PTGER3: variants seen among roughly 807,000 people sequenced by gnomAD.
The protein encoded by PTGER3 is prostaglandin E2 receptor EP3 subtype.
A neutral mutation model predicts 34.7 loss-of-function variants in PTGER3; 22 were observed. The ratio of observed to expected loss-of-function variants is 0.63; its 90% CI spans 0.45 to 0.91. PTGER3 has a LOEUF of 0.91. Among genes scored for constraint, PTGER3 ranks in the 40% least tolerant of loss-of-function variants. The pLI is 0.00. For synonymous variants in PTGER3, 241 were observed against 230.1 expected, an observed-to-expected ratio of 1.05 and a Z score of -0.43; for missense variants, 468 against 519.4, an observed-to-expected ratio of 0.90 and a Z score of 0.96.
downstream of PTGER3, chr1:70,951,297 T>C (rs1290637805): frequency 2.0e-5 from 3 of 152,198 alleles, no homozygotes; most frequent in African/African-American, 7.2e-5. Context: ...AGAGATACTG[T>C]ATAACCTATA....
At chr1:71,041,457 A>T (rs751216191) in intron 1 of PTGER3, among the ~76,000 whole-genome samples, 9 of 152,204 alleles carry the variant, frequency 5.9e-5, no homozygotes, top group Non-Finnish European at 1.2e-4. Context: ...CTTTCACACC[A>T]TCATGAAGTT....
intron 3 of PTGER3, among the ~76,000 whole-genome samples, chr1:70,972,534 A>G (rs1653198403): frequency 6.6e-6 from 1 of 151,976 alleles, no homozygotes; most frequent in South Asian, 2.1e-4. Flanking sequence ...GGTAAAATAT[A>G]TATATATATA....
chr1:70,879,828 G>A (rs1301365119), intron 4 of PTGER3, among the ~76,000 whole-genome samples: 2 of 152,096 alleles, frequency 1.3e-5, no homozygotes, highest in Non-Finnish European at 2.9e-5. Flanking sequence ...AGGTGCAGTA[G>A]CTCACACTTG....
At chr1:70,860,581 T>C (rs1473896304) in intron 4 of PTGER3, among the ~76,000 whole-genome samples, 1 of 152,200 alleles carries the variant, frequency 6.6e-6, no homozygotes, top group Non-Finnish European at 1.5e-5. Context: ...AGAAGTTTGG[T>C]GACATTTTTG....
intron 4 of PTGER3, among the ~76,000 whole-genome samples, chr1:70,933,173 T>C (rs916220082): frequency 6.6e-6 from 1 of 152,170 alleles, no homozygotes; most frequent in African/African-American, 2.4e-5. Flanking sequence ...GCTTAATAAT[T>C]GCTTGATTGA....
intron 2 of PTGER3, chr1:71,010,045 A>T: frequency 1.0e-6 from 1 of 985,202 alleles, no homozygotes; most frequent in Non-Finnish European, 1.2e-6. Flanking sequence ...AGCTTGTTAA[A>T]AAAAACACAA....
chr1:71,000,569 G>A (rs1437781238), intron 2 of PTGER3, among the ~76,000 whole-genome samples: 1 of 152,110 alleles, frequency 6.6e-6, no homozygotes, highest in Non-Finnish European at 1.5e-5. Flanking sequence ...ATTCAAGAAG[G>A]ATGAAGACAT....
chr1:70,944,993 A>G (rs889435930), intron 4 of PTGER3, among the ~76,000 whole-genome samples: 7 of 152,068 alleles, frequency 4.6e-5, no homozygotes, highest in African/African-American at 1.7e-4. Flanking sequence ...GCCTCCTGAG[A>G]GGTCTCCAAG....
At chr1:71,017,061 C>T (rs2268056) in intron 1 of PTGER3, among the ~76,000 whole-genome samples, 52 of 151,842 alleles carry the variant, frequency 3.4e-4, no homozygotes, top group African/African-American at 1.2e-3. Context: ...ATCCATTTCT[C>T]GGTCCCTGGA....
In PTGER3 at chr1:71,047,041, G is replaced by A. The variant is rs1327259325; in HGVS notation, c.537C>T (p.Leu179=). Residue 179 remains leucine, a synonymous_variant, in exon 1 of 4, where the codon CTC becomes CTT. Transcript: ENST00000306666. ...AGGCGAGCACGGCCAGCCACACGCC[G>A]AGCAGCACAGCGCGGGTGGCACGCG... ...MKTRATRAVL[L]GVWLAVLAFA... is the part of the protein sequence containing the mutation. The A allele has an allele frequency of 3.1e-6, 5 of 1,611,480 alleles. No homozygotes were observed. In the African/African-American group the frequency reaches 4.0e-5, roughly 13 times the overall value.
chr1:70,927,393 C>G (rs1648207227), intron 4 of PTGER3, among the ~76,000 whole-genome samples: 1 of 152,084 alleles, frequency 6.6e-6, no homozygotes, highest in Non-Finnish European at 1.5e-5. Context: ...TTTAAGATGA[C>G]TTTTAATTTT....
intron 2 of PTGER3, chr1:71,010,029 C>T: frequency 3.0e-6 from 3 of 984,992 alleles, no homozygotes; most frequent in Non-Finnish European, 3.6e-6. Context: ...TTCCACCTCC[C>T]TTTCAAGCTT....
At chr1:70,988,237 C>A (rs1042027958) in intron 2 of PTGER3, among the ~76,000 whole-genome samples, 3 of 152,126 alleles carry the variant, frequency 2.0e-5, no homozygotes, top group Non-Finnish European at 4.4e-5. Context: ...TTGATAAATT[C>A]TTTCCCATAA....
chr1:70,964,212 G>C (rs1386062398), intron 2 of PTGER3, among the ~76,000 whole-genome samples: 1 of 152,044 alleles, frequency 6.6e-6, no homozygotes, highest in Non-Finnish European at 1.5e-5. Flanking sequence ...AATTCTCTAG[G>C]AAGTTCCAAA....
intron 1 of PTGER3, among the ~76,000 whole-genome samples, chr1:71,022,036 T>C (rs1466414229): frequency 5.3e-5 from 8 of 151,978 alleles, no homozygotes; most frequent in African/African-American, 1.5e-4. Flanking sequence ...TTATTTATAG[T>C]AAAATATGCT....
rs552905464 is a variant in PTGER3 at position 70,905,894 on chromosome 1, C to G, written c.*23+47869G>C. 1.7e-4 allele frequency among the ~76,000 whole-genome samples: 26 copies of G among 152,078 alleles called. No homozygotes were observed. The South Asian group carries it at 5.2e-3, about 30-fold the overall frequency. On this transcript the variant is annotated intron_variant, in intron 4 of 4. Transcript: ENST00000370931. ...TGGAATGACATGATTTGACTGTGTC[C>G]CCACTCAAATCTCATCTTGAACTGT...
At chr1:70,860,616 TTA>T (rs1645906881) in intron 4 of PTGER3, among the ~76,000 whole-genome samples, 1 of 152,200 alleles carries the variant, frequency 6.6e-6, no homozygotes, top group Admixed American at 6.5e-5. Context: ...CTCTAAGAAT[TTA>T]TCTCTTTTTT....
intron 4 of PTGER3, among the ~76,000 whole-genome samples, chr1:70,885,841 C>T (rs1389817203): frequency 1.3e-5 from 2 of 152,132 alleles, no homozygotes; most frequent in Non-Finnish European, 2.9e-5. Flanking sequence ...ATAATGCCGG[C>T]AATGAGGATG....
chr1:70,952,289 T>C (rs1272373740), downstream of PTGER3: 5 of 417,780 alleles, frequency 1.2e-5, no homozygotes, highest in Non-Finnish European at 1.6e-5. Context: ...TTAAAGTTCT[T>C]GTAGTAAGTA....
Sources: gnomAD v4.1 joint callset for allele counts (sites outside exome capture counted in the v4.1 genomes callset) on GRCh38, gnomAD v4.1.1 for gene constraint, MANE v1.5 for transcripts, NCBI Gene and HGNC (gene_info 2026-07-23, HGNC 2026-07-21) for gene names.